The following ZC3H13 variants were observed in gnomAD, a reference collection of about 807,000 sequenced individuals.
ZC3H13 encodes zinc finger CCCH domain-containing protein 13.
ZC3H13 carries 64 observed loss-of-function variants against 204.1 expected under a neutral mutation model. The observed-to-expected ratio is 0.31, with a 90% confidence interval of 0.26 to 0.39. ZC3H13 has a LOEUF of 0.39. Ranked by LOEUF, ZC3H13 falls within the 10% of genes least tolerant of loss-of-function variation. ZC3H13 has a pLI of 1.00. For synonymous variants in ZC3H13, 667 were observed against 693.7 expected, an observed-to-expected ratio of 0.96 and a Z score of 0.60; for missense variants, 1,833 against 2,082.7, an observed-to-expected ratio of 0.88 and a Z score of 2.33.
chr13:45,982,455 C>T (rs972542387), intron 10 of ZC3H13, among the ~76,000 whole-genome samples: 6 of 151,658 alleles, frequency 4.0e-5, no homozygotes, highest in Non-Finnish European at 7.4e-5. Flanking sequence ...AAAGAAGATA[C>T]AATGAGGAGA....
chr13:45,972,499 A>G (rs756850002), intron 12 of ZC3H13, among the ~76,000 whole-genome samples: 1 of 152,192 alleles, frequency 6.6e-6, no homozygotes, highest in Non-Finnish European at 1.5e-5. Flanking sequence ...TACAATGTGG[A>G]CTACTCAGGT....
intron 8 of ZC3H13, among the ~76,000 whole-genome samples, chr13:46,000,618 T>C (rs1165989658): frequency 6.6e-6 from 1 of 152,266 alleles, no homozygotes; most frequent in Non-Finnish European, 1.5e-5. Context: ...CTTTGATCTT[T>C]TATCCAGCCC....
chr13:46,043,827 A>AT (rs1276282706), intron 3 of ZC3H13, among the ~76,000 whole-genome samples: 3 of 152,032 alleles, frequency 2.0e-5, no homozygotes, highest in African/African-American at 7.2e-5. Flanking sequence ...GATTTCTTGA[A>AT]TAAAAATTCT....
chr13:45,994,343 A>T (rs1049472965), intron 8 of ZC3H13, among the ~76,000 whole-genome samples: 1 of 152,220 alleles, frequency 6.6e-6, no homozygotes, highest in Non-Finnish European at 1.5e-5. Context: ...AGGATTTTCA[A>T]CTGCACAGGG....
intron 4 of ZC3H13, among the ~76,000 whole-genome samples, chr13:46,027,339 C>T (rs2042602658): frequency 6.6e-6 from 1 of 152,134 alleles, no homozygotes; most frequent in Non-Finnish European, 1.5e-5. Context: ...CTTCTGAGCT[C>T]AAGCAATCTG....
chr13:46,013,320 A>C (rs1458856810), intron 5 of ZC3H13, among the ~76,000 whole-genome samples: 1 of 152,084 alleles, frequency 6.6e-6, no homozygotes, highest in Non-Finnish European at 1.5e-5. Flanking sequence ...AGTCAGAGGC[A>C]GGAGAATTGC....
intron 12 of ZC3H13, among the ~76,000 whole-genome samples, chr13:45,972,585 A>G (rs1952674394): frequency 1.3e-5 from 2 of 152,222 alleles, no homozygotes; most frequent in African/African-American, 4.8e-5. Flanking sequence ...TTGAAATAAA[A>G]ATAAAACAAA....
chr13:45,985,876 T>C, intron 9 of ZC3H13, 115 bp from the exon 10 acceptor site: 1 of 955,078 alleles, frequency 1.0e-6, no homozygotes, highest in Non-Finnish European at 1.5e-6. Context: ...TTCGTGTTCT[T>C]TGCAAAAAAT....
In ZC3H13 at chr13:45,964,059, A is replaced by G. The variant is rs1326135801; in HGVS notation, c.4475-17T>C. 6.2e-7 allele frequency: 1 copy of G among 1,601,624 alleles called. No homozygotes were observed. Among genetic ancestry groups the G allele is most frequent in the African/African-American group, 1.3e-5 (1 of 74,104 alleles). The stretch of plus-strand genomic sequence containing the variant: ...CTAAGGGATCTGTAAAAAGTTAAAA[A>G]GTAAGATTTGTTTTACACCAAGAAA... On this transcript the variant is annotated splice_polypyrimidine_tract_variant and intron_variant, in intron 16 of 18. Transcript: ENST00000679008.
At chr13:46,004,519 G>A (rs1465789433) in intron 7 of ZC3H13, among the ~76,000 whole-genome samples, 1 of 152,044 alleles carries the variant, frequency 6.6e-6, no homozygotes, top group Non-Finnish European at 1.5e-5. Flanking sequence ...TAGTCTGGGT[G>A]ACAGAGTAAG....
chr13:45,959,436 C>A, intron 18 of ZC3H13, 47 bp downstream of exon 18: 1 of 1,443,750 alleles, frequency 6.9e-7, no homozygotes, highest in Non-Finnish European at 9.1e-7. Context: ...GAAAAATAGG[C>A]CATTCACACT....
chr13:45,966,309 T>C (rs956705818), intron 15 of ZC3H13, among the ~76,000 whole-genome samples: 2 of 152,206 alleles, frequency 1.3e-5, no homozygotes, highest in Non-Finnish European at 1.5e-5. Flanking sequence ...GAGATGTTTC[T>C]AGTCATTCTA....
intron 17 of ZC3H13, chr13:45,962,779 A>G: frequency 5.1e-6 from 5 of 985,386 alleles, no homozygotes; most frequent in Non-Finnish European, 6.0e-6. Context: ...ATGACGTAAA[A>G]TTGTTAATTA....
intron 1 of ZC3H13, among the ~76,000 whole-genome samples, chr13:46,051,112 T>C (rs2139290203): frequency 6.6e-6 from 1 of 152,332 alleles, no homozygotes; most frequent in East Asian, 1.9e-4. Flanking sequence ...ATGCATATTA[T>C]AAATACTGAT....
intron 4 of ZC3H13, among the ~76,000 whole-genome samples, chr13:46,040,015 A>C (rs1302154174): frequency 6.6e-6 from 1 of 152,158 alleles, no homozygotes; most frequent in Non-Finnish European, 1.5e-5. Flanking sequence ...TTCAAAATGT[A>C]ATACACACGC....
intron 17 of ZC3H13, 75 bp from the exon 18 acceptor site, chr13:45,959,721 C>G: frequency 7.3e-7 from 1 of 1,373,140 alleles, no homozygotes; most frequent in Non-Finnish European, 9.5e-7. Flanking sequence ...ACTGAATATT[C>G]TACAAATTTT....
chr13:46,006,875 A>G (rs1030808847), intron 7 of ZC3H13, among the ~76,000 whole-genome samples: 3 of 151,458 alleles, frequency 2.0e-5, no homozygotes, highest in Non-Finnish European at 4.4e-5. Context: ...TTACTAAAAT[A>G]TGACGACTAA....
chr13:45,956,969 A>G lies in ZC3H13; in HGVS notation c.*158T>C. The G allele has an allele frequency of 1.6e-6, 1 of 610,770 alleles. No homozygotes were observed. Among genetic ancestry groups the G allele is most frequent in the Non-Finnish European group, 2.4e-6 (1 of 416,826 alleles). The allele number at this position is 610,770 out of a possible 1,614,324, so 37.8% of individuals were successfully genotyped here. ...AACGTAAAATCTTAAGTTGGCCAAA[A>G]CTAGTGTCTCTAAAGATCAAAATTC... On this transcript the variant is annotated 3_prime_UTR_variant, in exon 19 of 19. Transcript: ENST00000679008.
chr13:45,988,098 T>C (rs1401557959), intron 9 of ZC3H13, among the ~76,000 whole-genome samples: 2 of 152,160 alleles, frequency 1.3e-5, no homozygotes, highest in Non-Finnish European at 2.9e-5. Context: ...TTCTGATGCT[T>C]TCAAACTACG....
Sources: gnomAD v4.1 joint callset for allele counts (sites outside exome capture counted in the v4.1 genomes callset) on GRCh38, gnomAD v4.1.1 for gene constraint, MANE v1.5 for transcripts, NCBI Gene and HGNC (gene_info 2026-07-23, HGNC 2026-07-21) for gene names.